Variants in ADAM28 observed in about 807,000 individuals in gnomAD.
ADAM28 encodes the protein ADAM metallopeptidase domain 28.
In ADAM28, 105 loss-of-function variants were observed where a neutral mutation model predicts 101.2. The ratio of observed to expected loss-of-function variants is 1.04; its 90% confidence interval spans 0.89 to 1.22. The LOEUF (loss-of-function observed/expected upper bound fraction) is 1.22. Among genes scored for constraint, ADAM28 ranks in the 50% most tolerant of loss-of-function variants. The pLI is 0.00. For synonymous variants in ADAM28, 322 were observed against 310.6 expected (o/e 1.04, Z -0.39); for missense variants, 1,028 against 945.4 (o/e 1.09, Z -1.15).
In ADAM28 at chr8:24,294,149, C is replaced by A. The variant is rs1380735552; in HGVS notation, c.-1C>A. 1 of 1,614,018 alleles carries A rather than the reference C, an allele frequency of 6.2e-7. No individual in the cohort carries two copies. The highest frequency in any genetic ancestry group is 8.5e-7 in the Non-Finnish European group (1 of 1,180,012). On this transcript the variant is annotated 5_prime_UTR_variant, in exon 1 of 23. Transcript: ENST00000265769. The stretch of plus-strand genomic sequence containing the variant: ...ACACCGTGCTCCTGGAATCACCCAG[C>A]ATGTTGCAAGGTCTCCTGCCAGTCA...
chr8:24,339,736 G>A (rs567138885), intron 15 of ADAM28, among the ~76,000 whole-genome samples, 168 bp downstream of exon 15: 10 of 152,296 alleles, frequency 6.6e-5, no homozygotes, highest in East Asian at 3.9e-4. Flanking sequence ...GCTAGGTACC[G>A]AGTCTAAAAC....
chr8:24,325,646 G>A (rs939306355), intron 9 of ADAM28, among the ~76,000 whole-genome samples: 3 of 151,364 alleles, frequency 2.0e-5, no homozygotes, highest in African/African-American at 7.3e-5. Flanking sequence ...ATAAATATCT[G>A]AAATCAGATT....
In ADAM28 at chr8:24,313,466, A is replaced by G; in HGVS notation, c.462A>G (p.Ala154=). 6.2e-7 allele frequency: 1 copy of G among 1,613,780 alleles called. No homozygotes were observed. The highest frequency in any genetic ancestry group is 8.5e-7 in the Non-Finnish European group (1 of 1,179,840). ...TACATCGGGATGGACAGGAGCATGC[A>G]CTCTTCAAGTATAACCCTGATGAAA... ...SPIHRDGQEH[A]LFKYNPDEKN... Residue 154 remains alanine (A), a synonymous_variant, in exon 6 of 23, where the codon GCA becomes GCG. Transcript: ENST00000265769.
intron 6 of ADAM28, 28 bp from the exon 7 acceptor site, chr8:24,320,208 A>G (rs1184443194): frequency 6.8e-7 from 1 of 1,463,068 alleles, no homozygotes; most frequent in Non-Finnish European, 9.5e-7. Flanking sequence ...ACAATATTGT[A>G]TCAGTAATTC....
At chr8:24,315,534 G>C (rs765835566) in intron 6 of ADAM28, among the ~76,000 whole-genome samples, 1 of 151,820 alleles carries the variant, frequency 6.6e-6, no homozygotes, top group Non-Finnish European at 1.5e-5. Context: ...TTTCAACAAA[G>C]AAAGCCTAGG....
intron 9 of ADAM28, among the ~76,000 whole-genome samples, chr8:24,325,883 A>AAAAACAAACAAAC: frequency 8.7e-6 from 1 of 114,722 alleles, no homozygotes; most frequent in East Asian, 4.0e-4. Flanking sequence ...AAAAAAAAAA[A>AAAAACAAACAAAC]AAAAAAAAAA....
At chr8:24,336,595 A>G (rs924443840) in intron 14 of ADAM28, among the ~76,000 whole-genome samples, 10 of 136,690 alleles carry the variant, frequency 7.3e-5, no homozygotes, top group African/African-American at 1.7e-4. Flanking sequence ...AAAAAAAAAA[A>G]AAAAGAAAAA....
chr8:24,334,202 T>A lies in ADAM28; in HGVS notation c.1372-1244T>A, dbSNP rs920464806. On this transcript the variant is annotated intron_variant, in intron 13 of 22. Coordinates refer to ENST00000265769, the MANE Select transcript of ADAM28 (RefSeq NM_014265.6). ...AAACATATGAAAATATAATGTGTGA[T>A]TCAATGGCCTTGTAGATAGCATAAT... Among the ~76,000 whole-genome samples, 11 of 152,326 alleles carry A rather than the reference T, an allele frequency of 7.2e-5. No homozygotes were observed. In the East Asian group the frequency reaches 1.2e-3, roughly 16 times the overall value.
chr8:24,342,933 C>A, intron 16 of ADAM28, 168 bp from the exon 17 acceptor site: 3 of 1,295,188 alleles, frequency 2.3e-6, no homozygotes, highest in African/African-American at 1.5e-5. Flanking sequence ...GTTGGTTTAA[C>A]TAAGAGGATA....
intron 2 of ADAM28, among the ~76,000 whole-genome samples, chr8:24,305,767 A>T (rs78840119): frequency 0.031 from 4,790 of 152,168 alleles, 244 homozygotes; most frequent in African/African-American, 0.11. Flanking sequence ...CCTTTGGTTG[A>T]AGAGTGTAGA....
At chr8:24,340,838 T>C (rs894954349) in intron 15 of ADAM28, 2 of 152,358 alleles carry the variant, frequency 1.3e-5, no homozygotes, top group East Asian at 3.9e-4. Flanking sequence ...TGGATACTTT[T>C]TTCACAGCCC....
intron 8 of ADAM28, among the ~76,000 whole-genome samples, chr8:24,322,186 C>G (rs751826619): frequency 3.9e-5 from 6 of 151,920 alleles, no homozygotes; most frequent in Admixed American, 1.3e-4. Context: ...GCAGGAAAGA[C>G]AGAAGAATTA....
chr8:24,332,392 AC>A (rs1397574167), intron 12 of ADAM28, among the ~76,000 whole-genome samples: 1 of 152,188 alleles, frequency 6.6e-6, no homozygotes, highest in Non-Finnish European at 1.5e-5. Context: ...TTCATATTTT[AC>A]CAAAAAGAAT....
chr8:24,336,385 C>A (rs183716635), intron 14 of ADAM28, among the ~76,000 whole-genome samples: 45 of 151,530 alleles, frequency 3.0e-4, no homozygotes, highest in Non-Finnish European at 5.0e-4. Flanking sequence ...AGATCAAGAC[C>A]ATCCTGGCTA....
chr8:24,350,628 ATATCT>A lies in ADAM28; in HGVS notation c.2100-603_2100-599del, dbSNP rs1223617452. On this transcript the variant is annotated intron_variant, in intron 19 of 22. Coordinates refer to ENST00000265769, the MANE Select transcript of ADAM28 (RefSeq NM_014265.6). ...ACCCGGCCGTGTGCTAAGCCCTTTT[ATATCT>A]ATTATCTTATTTACACTTCACAAGA... is the stretch of plus-strand genomic sequence containing the variant. 4.6e-5 allele frequency among the ~76,000 whole-genome samples: 7 copies of A among 152,236 alleles called. No homozygotes were observed. In the East Asian group the frequency reaches 1.4e-3, roughly 29 times the overall value.
At chr8:24,309,057 A>G (rs1030191955) in intron 2 of ADAM28, among the ~76,000 whole-genome samples, 1 of 152,222 alleles carries the variant, frequency 6.6e-6, no homozygotes, top group Non-Finnish European at 1.5e-5. Context: ...ACCACAGCCA[A>G]TAACCCTGTT....
chr8:24,325,179 C>T (rs1296624211), intron 9 of ADAM28: 1 of 151,898 alleles, frequency 6.6e-6, no homozygotes, highest in East Asian at 1.9e-4. Context: ...GGGAGCCAGA[C>T]AAATTGCTGA....
intron 1 of ADAM28, chr8:24,296,365 A>G (rs1393923876): frequency 6.6e-6 from 1 of 152,218 alleles, no homozygotes; most frequent in Non-Finnish European, 1.5e-5. Context: ...TAAAACCACA[A>G]GATGGTTTGA....
intron 13 of ADAM28, among the ~76,000 whole-genome samples, chr8:24,334,871 T>C (rs1346443020): frequency 6.6e-6 from 1 of 152,224 alleles, no homozygotes; most frequent in Non-Finnish European, 1.5e-5. Context: ...TGAGTTAGTA[T>C]ATCAAGTGAA....
Sources: allele counts gnomAD v4.1 joint callset (sites outside exome capture counted in the v4.1 genomes callset), GRCh38; gene constraint gnomAD v4.1.1; transcripts MANE v1.5; gene names NCBI Gene and HGNC (gene_info 2026-07-23, HGNC 2026-07-21).